The following YTHDC2 variants were observed in gnomAD, a reference collection of about 807,000 sequenced individuals.
The protein encoded by YTHDC2 is YTH N6-methyladenosine RNA binding protein C2.
A neutral mutation model predicts 174.9 loss-of-function variants in YTHDC2; 45 were observed. The observed-to-expected ratio is 0.26, with a 90% CI of 0.20 to 0.33. YTHDC2 has a LOEUF of 0.33. Ranked by LOEUF, YTHDC2 falls within the 10% of genes least tolerant of loss-of-function variation. The probability of loss-of-function intolerance (pLI) is 1.00; values close to 1 mark genes in which losing one functional copy is unlikely to be tolerated. For missense variants in YTHDC2, 1,650 were observed against 1,723.7 expected, an observed-to-expected ratio of 0.96 and a Z score of 0.76; for synonymous variants, 657 against 574.5, an observed-to-expected ratio of 1.14 and a Z score of -2.05.
At chr5:113,549,430 A>G (rs1776102209) in intron 12 of YTHDC2, among the ~76,000 whole-genome samples, 1 of 152,190 alleles carries the variant, frequency 6.6e-6, no homozygotes, top group South Asian at 2.1e-4. Flanking sequence ...TAGCAGAACT[A>G]AGAAAACTCA....
intron 10 of YTHDC2, among the ~76,000 whole-genome samples, chr5:113,547,142 T>C (rs1269232805): frequency 6.6e-6 from 1 of 152,194 alleles, no homozygotes; most frequent in Non-Finnish European, 1.5e-5. Flanking sequence ...GTGTTAAAAA[T>C]GTTTTAAATG....
intron 7 of YTHDC2, 148 bp downstream of exon 7, chr5:113,535,946 T>A (rs1775034645): frequency 1.6e-6 from 1 of 616,512 alleles, no homozygotes. Context: ...CACTTCTTTC[T>A]GTTTTCAACT....
intron 8 of YTHDC2, 133 bp from the exon 9 acceptor site, chr5:113,540,835 T>G: frequency 2.6e-6 from 2 of 754,902 alleles, no homozygotes; most frequent in Non-Finnish European, 4.1e-6. Flanking sequence ...TCTTAATATA[T>G]TTTTTAAAAG....
intron 3 of YTHDC2, among the ~76,000 whole-genome samples, chr5:113,525,581 G>A (rs1054006911): frequency 5.3e-5 from 8 of 151,946 alleles, no homozygotes; most frequent in Non-Finnish European, 8.8e-5. Context: ...ACTGCAGAGC[G>A]GGTATTTGAC....
chr5:113,555,098 A>G (rs1310201635), intron 16 of YTHDC2, among the ~76,000 whole-genome samples: 1 of 151,982 alleles, frequency 6.6e-6, no homozygotes, highest in African/African-American at 2.4e-5. Flanking sequence ...TTATCACTAA[A>G]AATCTTAATG....
intron 10 of YTHDC2, among the ~76,000 whole-genome samples, chr5:113,545,357 T>TTGTTTTG (rs1338671271): frequency 1.4e-5 from 2 of 145,906 alleles, no homozygotes; most frequent in Non-Finnish European, 3.0e-5. Flanking sequence ...TCATTATTCT[T>TTGTTTTG]TTTTGTTTTG....
At chr5:113,577,379 T>A (rs904434543) in intron 23 of YTHDC2, among the ~76,000 whole-genome samples, 2 of 152,156 alleles carry the variant, frequency 1.3e-5, no homozygotes. Context: ...TTTGTTTGTT[T>A]GTTTGTTTGA....
rs529108377 is a variant in YTHDC2, at chr5:113,521,328, A to G, written c.279-3653A>G. On this transcript the variant is annotated intron_variant, in intron 2 of 29. Transcript: ENST00000161863. ...GAACACAGTTAATACTTAACTAATT[A>G]TTTTTTGATGTTCACATCAAGTTCA... is the stretch of plus-strand genomic sequence containing the variant. Among the ~76,000 whole-genome samples the G allele has an allele frequency of 6.6e-5, 10 of 152,342 alleles. No individual in the cohort carries two copies. The East Asian group carries it at 1.9e-3, about 29-fold the overall frequency.
chr5:113,533,077 A>G, intron 5 of YTHDC2, 32 bp downstream of exon 5: 1 of 1,607,006 alleles, frequency 6.2e-7, no homozygotes, highest in Non-Finnish European at 8.5e-7. Context: ...CTTCTCTTTT[A>G]TCATGCTTAA....
chr5:113,550,194 G>C (rs2112658929), intron 12 of YTHDC2, among the ~76,000 whole-genome samples: 1 of 151,962 alleles, frequency 6.6e-6, no homozygotes, highest in South Asian at 2.1e-4. Flanking sequence ...CTGGTACAGA[G>C]GATTGTTTTG....
At chr5:113,532,844 A>C in intron 4 of YTHDC2, 35 bp from the exon 5 acceptor site, 2 of 1,575,114 alleles carry the variant, frequency 1.3e-6, no homozygotes, top group Non-Finnish European at 1.7e-6. Flanking sequence ...TTATGTGATC[A>C]TGTCATCTTA....
Position 113,542,843 on chromosome 5 carries a change from T to C in YTHDC2, c.1495+340T>C, listed in dbSNP as rs545286404. 2.9e-4 allele frequency among the ~76,000 whole-genome samples: 44 copies of C among 152,332 alleles called. 1 individual carries two copies. The highest frequency in any genetic ancestry group is 9.4e-4 in the African/African-American group (39 of 41,578). On this transcript the variant is annotated intron_variant, in intron 10 of 29. Transcript: ENST00000161863. ...TTGGAAAGGATTTAGATGTCAAGTA[T>C]TTATTATTTCACCTGAAGCCCTCAG...
Position 113,514,078 on chromosome 5 carries a change from G to A in YTHDC2, c.183G>A (p.Gln61=). The part of the protein sequence containing the change: ...IALERFRYGD[Q]REMEFPSSLT... ...TGGAGCGCTTCCGATACGGGGACCAGAGAGGTGAGGTTCCGGACAGGGACC... is the reference window on the plus strand; with the variant it reads ...TGGAGCGCTTCCGATACGGGGACCAAAGAGGTGAGGTTCCGGACAGGGACC... The change falls in exon 1 of 30, where the codon CAG becomes CAA. Residue 61 remains glutamine, a synonymous_variant. Coordinates refer to ENST00000161863, the MANE Select transcript of YTHDC2 (RefSeq NM_022828.5). The A allele has an allele frequency of 6.2e-7, 1 of 1,611,450 alleles. No homozygotes were observed. The highest frequency in any genetic ancestry group is 1.7e-5 in the Admixed American group (1 of 59,630).
chr5:113,584,051 A>C (rs563027815), intron 25 of YTHDC2: 2 of 286,854 alleles, frequency 7.0e-6, no homozygotes, highest in South Asian at 3.2e-4. Context: ...TTAACAGATA[A>C]GGAAATTAAA....
chr5:113,515,368 C>T lies in YTHDC2; in HGVS notation c.278+6C>T, dbSNP rs749405282. 1.3e-6 allele frequency: 2 copies of T among 1,592,894 alleles called. No individual in the cohort carries two copies. The highest frequency in any genetic ancestry group is 2.2e-5 in the East Asian group (1 of 44,700). ...TTGGTCTCTAAAAGTAAAGGGTAAG[C>T]TGGTAGCTTTTCTTATTTTTTTTAA... On this transcript the variant is annotated splice_donor_region_variant and intron_variant, in intron 2 of 29. Coordinates refer to ENST00000161863, the MANE Select transcript of YTHDC2 (RefSeq NM_022828.5).
intron 12 of YTHDC2, among the ~76,000 whole-genome samples, chr5:113,550,497 C>G (rs963282741): frequency 6.6e-6 from 1 of 152,000 alleles, no homozygotes; most frequent in African/African-American, 2.4e-5. Flanking sequence ...AAAGTAAAGG[C>G]TGAATGAAGA....
intron 9 of YTHDC2, among the ~76,000 whole-genome samples, chr5:113,541,533 C>G (rs1407578671): frequency 6.6e-6 from 1 of 152,010 alleles, no homozygotes; most frequent in Non-Finnish European, 1.5e-5. Context: ...TGGTAATTCT[C>G]TTGGTTTATT....
intron 20 of YTHDC2, among the ~76,000 whole-genome samples, chr5:113,565,494 GGTA>G (rs1777273512): frequency 1.3e-5 from 2 of 152,130 alleles, no homozygotes; most frequent in Non-Finnish European, 2.9e-5. Flanking sequence ...TCCATTCTTA[GGTA>G]GAGTCCAGGG....
intron 4 of YTHDC2, among the ~76,000 whole-genome samples, chr5:113,531,452 T>C (rs1580501303): frequency 6.6e-6 from 1 of 151,968 alleles, no homozygotes; most frequent in Non-Finnish European, 1.5e-5. Context: ...ACCTCCTGAG[T>C]AGAGAGCAAT....
Sources: gnomAD v4.1 joint callset for allele counts (sites outside exome capture counted in the v4.1 genomes callset) on GRCh38, gnomAD v4.1.1 for gene constraint, MANE v1.5 for transcripts, NCBI Gene and HGNC (gene_info 2026-07-23, HGNC 2026-07-21) for gene names.